Variants in NFIB observed in about 807,000 individuals in gnomAD.
NFIB encodes nuclear factor I B, also known as nuclear factor 1 B-type.
A neutral mutation model predicts 61.5 loss-of-function variants in NFIB; 11 were observed. The observed-to-expected ratio is 0.18, with a 90% CI of 0.11 to 0.30. The LOEUF (loss-of-function observed/expected upper bound fraction) is 0.30, where lower values mean the gene tolerates loss of function less well. Ranked by LOEUF, NFIB falls within the 10% of genes least tolerant of loss-of-function variation. The probability of loss-of-function intolerance (pLI) is 1.00; values close to 1 mark genes in which losing one functional copy is unlikely to be tolerated. For synonymous variants in NFIB, 260 were observed against 216.5 expected, an observed-to-expected ratio of 1.20 and a Z score of -1.76; for missense variants, 471 against 608.9, an observed-to-expected ratio of 0.77 and a Z score of 2.38.
At position 14,313,682 on chromosome 9, in the gene NFIB, C is replaced by G; in HGVS notation, c.-171G>C. The G allele has an allele frequency of 6.9e-7, 1 of 1,443,418 alleles. No individual in the cohort carries two copies. Among genetic ancestry groups the G allele is most frequent in the Non-Finnish European group, 9.1e-7 (1 of 1,097,998 alleles). The allele number at this position is 1,443,418 out of a possible 1,614,324, so 89.4% of individuals were successfully genotyped here. A position where few individuals can be genotyped will look rare whatever the true frequency, so the allele number is the denominator to read the frequency against. ...AACAAACCCAGTCCTCCTTAAATAG[C>G]CAAAGATTCAAGTTCACTCGGCGTG... is the stretch of plus-strand genomic sequence containing the variant. On this transcript the variant is annotated 5_prime_UTR_variant, in exon 1 of 11. Transcript: ENST00000380953. This position sits in a 1 kb window ranked among gnomAD's most constrained non-coding sequence, Gnocchi z 4.5.
chr9:14,256,400 C>G (rs967297321), intron 2 of NFIB, among the ~76,000 whole-genome samples: 1 of 152,028 alleles, frequency 6.6e-6, no homozygotes, highest in East Asian at 1.9e-4. Flanking sequence ...TAGACAAGAA[C>G]CCCTCCTTAC....
At chr9:14,421,818 T>A in the NFIB span, among the ~76,000 whole-genome samples, 64,164 of 152,050 alleles carry the variant, frequency 0.42, 14,107 homozygotes, top group Admixed American at 0.55. Flanking sequence ...TTCTTCTATA[T>A]TTTCATGATT....
At chr9:14,367,418 G>A (rs1425959301) in intron 1 of NFIB, among the ~76,000 whole-genome samples, 2 of 151,882 alleles carry the variant, frequency 1.3e-5, no homozygotes, top group African/African-American at 4.8e-5. Context: ...CAAGCAGAGG[G>A]ACTAGTAAGT....
At chr9:14,268,365 C>A (rs1008778491) in intron 2 of NFIB, among the ~76,000 whole-genome samples, 2 of 152,110 alleles carry the variant, frequency 1.3e-5, no homozygotes, top group African/African-American at 4.8e-5. Flanking sequence ...AAGCCCTCAG[C>A]AACCCTACTC....
the NFIB span, among the ~76,000 whole-genome samples, chr9:14,511,803 TTTATAA>T: frequency 1.3e-5 from 2 of 152,244 alleles, no homozygotes; most frequent in Non-Finnish European, 2.9e-5. Context: ...TGTTTATACA[TTTATAA>T]TATGTTTTGA....
chr9:14,263,695 G>T (rs1204115112), intron 2 of NFIB, among the ~76,000 whole-genome samples: 2 of 152,142 alleles, frequency 1.3e-5, no homozygotes, highest in African/African-American at 4.8e-5. Context: ...CTGTGACGAA[G>T]AACAGTTATG....
At chr9:14,381,066 T>C (rs750927706) in intron 1 of NFIB, among the ~76,000 whole-genome samples, 30 of 82,618 alleles carry the variant, frequency 3.6e-4, no homozygotes, top group Admixed American at 1.0e-3. Flanking sequence ...AGAGCGAGAC[T>C]CCGTCTCAAA....
chr9:14,239,234 T>C (rs1265594034), intron 2 of NFIB, among the ~76,000 whole-genome samples: 1 of 152,204 alleles, frequency 6.6e-6, no homozygotes, highest in Non-Finnish European at 1.5e-5. Flanking sequence ...CTTTGAAAAC[T>C]GTTTTCACAC....
intron 2 of NFIB, among the ~76,000 whole-genome samples, chr9:14,190,920 C>T (rs750307686): frequency 3.9e-5 from 6 of 152,124 alleles, no homozygotes; most frequent in African/African-American, 7.2e-5. Context: ...TGGCCAGGCA[C>T]GGTGGCATAT....
the NFIB span, among the ~76,000 whole-genome samples, chr9:14,438,201 A>G: frequency 6.6e-6 from 1 of 152,194 alleles, no homozygotes; most frequent in Non-Finnish European, 1.5e-5. Context: ...ACACACACTC[A>G]TGGAAATAAA....
intron 2 of NFIB, among the ~76,000 whole-genome samples, chr9:14,223,669 G>C (rs1314408297): frequency 6.6e-6 from 1 of 152,172 alleles, no homozygotes; most frequent in African/African-American, 2.4e-5. Context: ...GGAAGAAGAA[G>C]AGGGGAAGAT....
intron 1 of NFIB, among the ~76,000 whole-genome samples, chr9:14,368,012 A>G (rs2061321456): frequency 6.6e-6 from 1 of 152,200 alleles, no homozygotes; most frequent in South Asian, 2.1e-4. Context: ...CATGTATCCC[A>G]GGTACCAAAC....
At chr9:14,326,649 T>C (rs771738177) in intron 1 of NFIB, among the ~76,000 whole-genome samples, 12 of 150,152 alleles carry the variant, frequency 8.0e-5, no homozygotes, top group Non-Finnish European at 1.6e-4. Flanking sequence ...CTCAGACTTA[T>C]TCCATGCACC....
chr9:14,425,563 A>T, the NFIB span, among the ~76,000 whole-genome samples: 16 of 151,196 alleles, frequency 1.1e-4, no homozygotes, highest in Non-Finnish European at 2.1e-4. Flanking sequence ...TTTTCTCTGC[A>T]TGTATGAATT....
In NFIB at chr9:14,126,480, TCTC is replaced by T. The variant is rs2039661263; in HGVS notation, c.926-717_926-715del. On this transcript the variant is annotated intron_variant, in intron 6 of 10. Coordinates refer to ENST00000380953, the MANE Select transcript of NFIB (RefSeq NM_001190737.2). ...GCTGCGATGTACAGGACAGATATCGTCTCAGTCTCCCCAGGATGAGGAAGGCAT... is the reference window on the plus strand; with the variant it reads ...GCTGCGATGTACAGGACAGATATCGTAGTCTCCCCAGGATGAGGAAGGCAT... 3.3e-5 allele frequency among the ~76,000 whole-genome samples: 5 copies of T among 152,328 alleles called. No homozygotes were observed. In the South Asian group the frequency reaches 6.2e-4, roughly 19 times the overall value.
intron 2 of NFIB, among the ~76,000 whole-genome samples, chr9:14,264,474 T>C (rs936649959): frequency 5.9e-5 from 9 of 152,196 alleles, no homozygotes; most frequent in African/African-American, 2.2e-4. Flanking sequence ...GAACCCCTAC[T>C]CTCTGTGCAT....
At chr9:14,124,936 G>C (rs1329373999) in intron 7 of NFIB, among the ~76,000 whole-genome samples, 1 of 152,100 alleles carries the variant, frequency 6.6e-6, no homozygotes, top group Non-Finnish European at 1.5e-5. Context: ...AACATCTACA[G>C]AAATAGTGCC....
At chr9:14,370,472 G>A (rs1241865212) in intron 1 of NFIB, among the ~76,000 whole-genome samples, 4 of 152,282 alleles carry the variant, frequency 2.6e-5, no homozygotes, top group East Asian at 3.9e-4. Flanking sequence ...GCCAAATCAC[G>A]TAGAAGGTGG....
chr9:14,171,606 G>A (rs2045572381), intron 3 of NFIB, among the ~76,000 whole-genome samples: 1 of 152,144 alleles, frequency 6.6e-6, no homozygotes, highest in African/African-American at 2.4e-5. Flanking sequence ...AAGAAAAAGG[G>A]TTCCTGGGAA....
Sources: gnomAD v4.1 joint callset for allele counts (sites outside exome capture counted in the v4.1 genomes callset) on GRCh38, gnomAD v4.1.1 for gene constraint, Gnocchi (gnomAD v3.1) non-coding constraint, MANE v1.5 for transcripts, NCBI Gene and HGNC (gene_info 2026-07-23, HGNC 2026-07-21) for gene names.